The following CYFIP1 variants were observed in gnomAD, a reference collection of about 807,000 sequenced individuals.
CYFIP1 encodes the protein cytoplasmic FMR1-interacting protein 1.
CYFIP1 carries 58 observed loss-of-function variants against 163.5 expected under a neutral mutation model. That is an observed-to-expected ratio of 0.35 (90% CI 0.29 to 0.44). The LOEUF is 0.44. Among genes scored for constraint, CYFIP1 ranks in the 20% least tolerant of loss-of-function variants. The pLI, the probability that CYFIP1 is intolerant of heterozygous loss-of-function variation, is 1.00. For synonymous variants in CYFIP1, 663 were observed against 660.7 expected, an observed-to-expected ratio of 1.00 and a Z score of -0.05; for missense variants, 1,338 against 1,653.8, an observed-to-expected ratio of 0.81 and a Z score of 3.31.
chr15:22,947,661 G>A (rs886730700), intron 1 of CYFIP1, among the ~76,000 whole-genome samples: 1 of 152,174 alleles, frequency 6.6e-6, no homozygotes, highest in African/African-American at 2.4e-5. Flanking sequence ...TGCTGGAGGG[G>A]CAGCACCTCT....
intron 18 of CYFIP1, 37 bp downstream of exon 18, chr15:22,912,142 A>C (rs1305037088): frequency 6.5e-7 from 1 of 1,527,326 alleles, no homozygotes; most frequent in East Asian, 2.3e-5. Context: ...GATTTAATTG[A>C]AGGAAATGAA....
Position 22,868,369 on chromosome 15 carries a change from A to G in CYFIP1, c.*1659T>C, listed in dbSNP as rs184726036. The G allele has an allele frequency of 6.6e-6, 1 of 152,278 alleles. No individual in the cohort carries two copies. The highest frequency in any genetic ancestry group is 1.9e-4 in the East Asian group (1 of 5,188). The allele number at this position is 152,278 out of a possible 1,614,324, so 9.4% of individuals were successfully genotyped here. ...GAACATGCATAGGTTAATAAATAAT[A>G]AATTCTTATTTAACATTTTGTAGCA... On this transcript the variant is annotated 3_prime_UTR_variant, in exon 31 of 31. Coordinates refer to ENST00000617928, the MANE Select transcript of CYFIP1 (RefSeq NM_014608.6).
chr15:22,918,795 CG>C lies in CYFIP1; in HGVS notation c.1422del (p.His474GlnfsTer17). 1 of 1,613,296 alleles carries C rather than the reference CG, an allele frequency of 6.2e-7. No individual in the cohort carries two copies. Among genetic ancestry groups the C allele is most frequent in the Admixed American group, 1.7e-5 (1 of 59,950 alleles). On this transcript the variant is annotated frameshift_variant, in exon 14 of 31. Transcript: ENST00000617928. LOFTEE classifies it high-confidence loss of function. ...GCGGCATAGACGGTGTGCCGGATGG[CG>C]TGGTTGAACACGCTCTCCATCCTGC... Reference protein sequence around the residue: ...LMGRMESVFNHAIRHTVYAAL... With the variant: ...LMGRMESVFNXAIRHTVYAAL...
At chr15:22,902,380 G>A (rs2060422646) in intron 22 of CYFIP1, among the ~76,000 whole-genome samples, 1 of 152,206 alleles carries the variant, frequency 6.6e-6, no homozygotes, top group East Asian at 1.9e-4. Flanking sequence ...GGTACTGCAG[G>A]GGTGCAGACT....
At chr15:22,894,800 C>T (rs1451847393) in intron 22 of CYFIP1, among the ~76,000 whole-genome samples, 1 of 146,692 alleles carries the variant, frequency 6.8e-6, no homozygotes, top group Non-Finnish European at 1.5e-5. Context: ...TAACATAATA[C>T]ATGTATTTAT....
chr15:22,914,946 G>A (rs944268077), intron 16 of CYFIP1, 64 bp from the exon 17 acceptor site: 2 of 1,524,276 alleles, frequency 1.3e-6, no homozygotes, highest in African/African-American at 2.8e-5. Context: ...TAGCAGAGAT[G>A]ACACAAGGGC....
Position 22,873,514 on chromosome 15 carries a change from C to T in CYFIP1, c.3426G>A (p.Val1142=). The part of the protein sequence containing the change: ...SAMQFVYCIP[V]GTHEFTVEQC... ...ACTCGACTGTGAACTCGTGTGTCCC[C>T]ACGGGAATGCAGTAGACAAACTGCA... The change falls in exon 29 of 31, where the codon GTG becomes GTA. Residue 1142 remains valine, a synonymous_variant. Transcript: ENST00000617928. 1 of 1,614,066 alleles carries T rather than the reference C, an allele frequency of 6.2e-7. No individual in the cohort carries two copies. Among genetic ancestry groups the T allele is most frequent in the Non-Finnish European group, 8.5e-7 (1 of 1,179,920 alleles).
intron 12 of CYFIP1, 53 bp from the exon 13 acceptor site, chr15:22,926,160 C>T (rs1043187575): frequency 1.2e-6 from 2 of 1,610,188 alleles, no homozygotes; most frequent in Middle Eastern, 1.7e-4. Flanking sequence ...AAACGCCTGG[C>T]TTCTGGTCTG....
At chr15:22,900,076 T>A (rs1595548938) in intron 22 of CYFIP1, among the ~76,000 whole-genome samples, 1 of 152,054 alleles carries the variant, frequency 6.6e-6, no homozygotes, top group African/African-American at 2.4e-5. Flanking sequence ...TCCTAGTACC[T>A]CAGAATGTGA....
intron 25 of CYFIP1, among the ~76,000 whole-genome samples, chr15:22,880,439 G>A (rs1328870348): frequency 6.6e-6 from 1 of 152,224 alleles, no homozygotes; most frequent in Admixed American, 6.5e-5. Flanking sequence ...CTGAGAAAGG[G>A]CATCTAGGAA....
intron 12 of CYFIP1, 59 bp from the exon 13 acceptor site, chr15:22,926,166 G>A (rs2061350997): frequency 6.2e-7 from 1 of 1,607,540 alleles, no homozygotes; most frequent in Non-Finnish European, 8.5e-7. Context: ...CTGGCTTCTG[G>A]TCTGACTCAC....
chr15:22,878,749 C>T (rs978430733), intron 26 of CYFIP1, among the ~76,000 whole-genome samples: 1 of 148,152 alleles, frequency 6.7e-6, no homozygotes, highest in African/African-American at 2.5e-5. Context: ...TCAAAAATCA[C>T]CACTATCAGA....
intron 13 of CYFIP1, among the ~76,000 whole-genome samples, chr15:22,920,385 A>G (rs927066112): frequency 3.3e-5 from 5 of 152,094 alleles, no homozygotes; most frequent in Non-Finnish European, 7.4e-5. Flanking sequence ...TAGCAAGAAC[A>G]CAAATGTGTT....
chr15:22,897,353 G>C (rs1182031110), intron 22 of CYFIP1, among the ~76,000 whole-genome samples: 1 of 152,052 alleles, frequency 6.6e-6, no homozygotes, highest in Non-Finnish European at 1.5e-5. Flanking sequence ...GTCTTGGGGG[G>C]CAGGCAGTTG....
chr15:22,910,740 C>T lies in CYFIP1; in HGVS notation c.2156G>A (p.Gly719Glu). 1 of 1,613,324 alleles carries T rather than the reference C, an allele frequency of 6.2e-7. No individual in the cohort carries two copies. Among genetic ancestry groups the T allele is most frequent in the Non-Finnish European group, 8.5e-7 (1 of 1,179,250 alleles). The change falls in exon 19 of 31, where the codon GGA becomes GAA. Residue 719 changes from glycine to glutamate, a missense_variant. Around this residue, in one of 4 missense-constraint regions of CYFIP1, gnomAD observed 824 missense variants for 995.7 expected, o/e 0.83. Coordinates refer to ENST00000617928, the MANE Select transcript of CYFIP1 (RefSeq NM_014608.6). ...AAATCACACACCAGATACTCACCTT[C>T]CTGCCATAACCTTATAATAGGCAAA... ...QIFAYYKVMA[G>E]SLLLDKRLRS...
intron 11 of CYFIP1, 21 bp downstream of exon 11, chr15:22,932,202 G>A (rs45464395): frequency 0.28 from 446,113 of 1,583,920 alleles, 66,705 homozygotes; most frequent in East Asian, 0.52. Flanking sequence ...TGCCTGTGCA[G>A]CTCCAGGTCG....
intron 1 of CYFIP1, among the ~76,000 whole-genome samples, chr15:22,960,947 G>C (rs2062658337): frequency 6.6e-6 from 1 of 151,980 alleles, no homozygotes; most frequent in Non-Finnish European, 1.5e-5. Flanking sequence ...CAGAATCCAG[G>C]GGTCACTTCT....
At chr15:22,931,562 C>CCT (rs2061535832) in intron 11 of CYFIP1, among the ~76,000 whole-genome samples, 1 of 151,766 alleles carries the variant, frequency 6.6e-6, no homozygotes, top group African/African-American at 2.4e-5. Flanking sequence ...TTCCCAGTGT[C>CCT]CTCCCTTCTC....
intron 2 of CYFIP1, 37 bp from the exon 3 acceptor site, chr15:22,947,129 G>A (rs775049120): frequency 1.9e-5 from 30 of 1,613,982 alleles, no homozygotes; most frequent in Middle Eastern, 1.6e-4. Context: ...ATGTGGGGTC[G>A]GAGCACAGGC....
Sources: allele counts gnomAD v4.1 joint callset (sites outside exome capture counted in the v4.1 genomes callset), GRCh38; gene constraint gnomAD v4.1.1; regional missense constraint gnomAD v4.1.1; transcripts MANE v1.5; gene names NCBI Gene and HGNC (gene_info 2026-07-23, HGNC 2026-07-21).